KCTD1: variants seen among roughly 807,000 people sequenced by gnomAD.
The protein encoded by KCTD1 is potassium channel tetramerization domain containing 1.
Under a neutral mutation model 66.0 loss-of-function variants are expected in KCTD1, and 24 were observed. That is an observed-to-expected ratio of 0.36 (90% CI 0.26 to 0.51). KCTD1 has a LOEUF of 0.51. KCTD1 is among the 20% of genes least tolerant of loss of function. The pLI, the probability that KCTD1 is intolerant of heterozygous loss-of-function variation, is 0.95. For synonymous variants in KCTD1, 511 were observed against 517.2 expected (o/e 0.99, Z 0.16); for missense variants, 943 against 1,205.2 (o/e 0.78, Z 3.22).
At chr18:26,470,977 CTT>C (rs1981025839) in intron 3 of KCTD1, among the ~76,000 whole-genome samples, 2 of 152,132 alleles carry the variant, frequency 1.3e-5, no homozygotes, top group South Asian at 4.1e-4. Context: ...GGGGCCAGAG[CTT>C]TCTGGGCCTT....
At chr18:26,640,947 C>A (rs76265024), upstream of KCTD1, among the ~76,000 whole-genome samples, 515 of 152,146 alleles carry the variant, frequency 3.4e-3, 5 homozygotes, top group African/African-American at 0.012. Context: ...GATCTAGATC[C>A]GAGAGAGTAG....
At chr18:26,464,068 A>G (rs1043411747) in intron 3 of KCTD1, among the ~76,000 whole-genome samples, 1 of 152,304 alleles carries the variant, frequency 6.6e-6, no homozygotes, top group Non-Finnish European at 1.5e-5. Context: ...GAGGAAAACG[A>G]TATATTCAGT....
rs182816404 is a variant in KCTD1, at chr18:26,577,823, C to T, written c.-16+51324G>A. Among the ~76,000 whole-genome samples the T allele has an allele frequency of 4.9e-4, 75 of 152,188 alleles. No homozygotes were observed. In the East Asian group the frequency reaches 0.014, roughly 27 times the overall value. On this transcript the variant is annotated intron_variant, in intron 1 of 4. Coordinates refer to the KCTD1 transcript ENST00000317932. ...ACCAGACCTCAAGTGATCCTCCTGC[C>T]TGAGCCTCCCAAAGTGCTGGAATTA...
intron 1 of KCTD1, among the ~76,000 whole-genome samples, chr18:26,578,224 T>A (rs1986275910): frequency 6.6e-6 from 1 of 152,034 alleles, no homozygotes; most frequent in African/African-American, 2.4e-5. Flanking sequence ...CCCGGCTAAT[T>A]CCACCTTTTA....
intron 2 of KCTD1, among the ~76,000 whole-genome samples, chr18:26,484,249 A>G (rs572069578): frequency 6.6e-6 from 1 of 152,350 alleles, no homozygotes; most frequent in South Asian, 2.1e-4. Context: ...AATGGATAGA[A>G]GTAATTTAAG....
chr18:26,539,257 C>T (rs576795133), intron 1 of KCTD1, among the ~76,000 whole-genome samples: 29 of 152,312 alleles, frequency 1.9e-4, no homozygotes, highest in African/African-American at 5.3e-4. Flanking sequence ...AGCTTGCTTC[C>T]TCCTTTATAA....
intron 2 of KCTD1, among the ~76,000 whole-genome samples, chr18:26,491,153 G>T (rs1373231462): frequency 6.6e-6 from 1 of 152,170 alleles, no homozygotes; most frequent in African/African-American, 2.4e-5. Context: ...ATGTAGGAGT[G>T]TGAACCTTGA....
intron 1 of KCTD1, among the ~76,000 whole-genome samples, chr18:26,571,340 G>C (rs186739349): frequency 6.6e-6 from 1 of 152,182 alleles, no homozygotes; most frequent in East Asian, 1.9e-4. Context: ...GAATAATCAA[G>C]AACACTTCAT....
rs569334812 is a variant in KCTD1 at position 26,513,674 on chromosome 18, G to A, written c.1810-12424C>T. ...TTTCCCATTTATAATCTATGCAGTC[G>A]GACCAGATGCTCTGTAATGCTCTTT... On this transcript the variant is annotated intron_variant, in intron 1 of 4. Transcript: ENST00000580059. 2.6e-5 allele frequency among the ~76,000 whole-genome samples: 4 copies of A among 152,238 alleles called. No homozygotes were observed. The South Asian group carries it at 8.3e-4, about 32-fold the overall frequency.
At chr18:26,608,352 G>A (rs905033245) in intron 1 of KCTD1, among the ~76,000 whole-genome samples, 1 of 152,192 alleles carries the variant, frequency 6.6e-6, no homozygotes, top group African/African-American at 2.4e-5. Flanking sequence ...TTGGCAACTA[G>A]GTAGGATCTT....
intron 1 of KCTD1, among the ~76,000 whole-genome samples, chr18:26,527,462 T>A: frequency 7.4e-6 from 1 of 135,118 alleles, no homozygotes; most frequent in Non-Finnish European, 1.6e-5. Flanking sequence ...TTTTTATGTT[T>A]ATGTGAAAGA....
At chr18:26,526,236 C>A (rs547706299) in intron 1 of KCTD1, among the ~76,000 whole-genome samples, 4 of 152,250 alleles carry the variant, frequency 2.6e-5, no homozygotes, top group Admixed American at 6.5e-5. Flanking sequence ...GTTGGTTATG[C>A]ATTTCTGGAG....
chr18:26,628,515 T>A (rs1399194607), intron 1 of KCTD1, among the ~76,000 whole-genome samples: 1 of 152,016 alleles, frequency 6.6e-6, no homozygotes, highest in Non-Finnish European at 1.5e-5. Context: ...CCAAAGGCAC[T>A]AAGAAGGTCA....
intron 1 of KCTD1, among the ~76,000 whole-genome samples, chr18:26,616,124 AT>A (rs1447998000): frequency 5.4e-5 from 8 of 147,658 alleles, no homozygotes; most frequent in Admixed American, 1.4e-4. Context: ...GCAGACAATA[AT>A]TTTTTTTAAG....
intron 1 of KCTD1, among the ~76,000 whole-genome samples, chr18:26,654,243 G>A (rs1384894557): frequency 6.6e-6 from 1 of 151,858 alleles, no homozygotes; most frequent in African/African-American, 2.4e-5. Flanking sequence ...AAATTGCTTT[G>A]GATAAATAAT....
At chr18:26,626,749 A>G (rs756800899) in intron 1 of KCTD1, among the ~76,000 whole-genome samples, 4 of 152,182 alleles carry the variant, frequency 2.6e-5, no homozygotes, top group Non-Finnish European at 5.9e-5. Context: ...TGCTGGGAAT[A>G]TAGACACGAG....
intron 1 of KCTD1, among the ~76,000 whole-genome samples, chr18:26,506,764 C>T (rs558975301): frequency 6.6e-6 from 1 of 152,368 alleles, no homozygotes; most frequent in South Asian, 2.1e-4. Flanking sequence ...TTCTGCAGTA[C>T]AGGAGATGCT....
chr18:26,501,203 T>A lies in KCTD1; in HGVS notation c.1857A>T (p.Ala619=). ...MSRPLITRSP[A]SPLNNQGIPT... The stretch of plus-strand genomic sequence containing the variant: ...GGATGCCTTGGTTGTTCAGTGGAGA[T>A]GCAGGGGATCTAGTGATCAGAGGTC... The change falls in exon 2 of 5, where the codon GCA becomes GCT. Residue 619 remains alanine (A), a synonymous_variant. Coordinates refer to ENST00000580059, the MANE Select transcript of KCTD1 (RefSeq NM_001142730.3). The A allele has an allele frequency of 6.2e-7, 1 of 1,614,176 alleles. No individual in the cohort carries two copies. The highest frequency in any genetic ancestry group is 8.5e-7 in the Non-Finnish European group (1 of 1,180,020).
chr18:26,617,918 C>T (rs1163020378), intron 1 of KCTD1, among the ~76,000 whole-genome samples: 1 of 128,658 alleles, frequency 7.8e-6, no homozygotes, highest in Non-Finnish European at 1.7e-5. Context: ...GAGAGGGAAA[C>T]AAAAAGAAGG....
Sources: allele counts gnomAD v4.1 joint callset (sites outside exome capture counted in the v4.1 genomes callset), GRCh38; gene constraint gnomAD v4.1.1; transcripts MANE v1.5; gene names NCBI Gene and HGNC (gene_info 2026-07-23, HGNC 2026-07-21).